CAST: variants seen among roughly 807,000 people sequenced by gnomAD.
CAST encodes calpastatin.
In CAST, 76 loss-of-function variants were observed where a neutral mutation model predicts 119.6. The observed-to-expected ratio is 0.64, with a 90% CI of 0.53 to 0.77. The LOEUF (loss-of-function observed/expected upper bound fraction) is 0.77, where lower values mean the gene tolerates loss of function less well. Among genes scored for constraint, CAST ranks in the 30% least tolerant of loss-of-function variants. The probability of loss-of-function intolerance (pLI) is 0.00; values close to 1 mark genes in which losing one functional copy is unlikely to be tolerated. For missense variants in CAST, 953 were observed against 946.5 expected (o/e 1.01, Z -0.09); for synonymous variants, 319 against 331.6 (o/e 0.96, Z 0.41).
chr5:96,348,394 GAGAGAGAGAGGGAGAGAT>G, the CAST span, among the ~76,000 whole-genome samples: 4 of 151,918 alleles, frequency 2.6e-5, no homozygotes, highest in Admixed American at 1.3e-4. Flanking sequence ...GAGGGAGAGA[GAGAGAGAGAGGGAGAGAT>G]AGAGAGATTT....
chr5:96,378,294 T>C, the CAST span, among the ~76,000 whole-genome samples: 25 of 152,254 alleles, frequency 1.6e-4, no homozygotes, highest in Admixed American at 1.2e-3. Flanking sequence ...TTGTATACTT[T>C]ACATTTTTTA....
the CAST span, among the ~76,000 whole-genome samples, chr5:96,509,680 A>C: frequency 6.6e-6 from 1 of 152,238 alleles, no homozygotes; most frequent in Non-Finnish European, 1.5e-5. Context: ...TCATTCCCAG[A>C]GGCACTTTTG....
chr5:96,014,725 C>T, the CAST span, among the ~76,000 whole-genome samples: 1 of 152,138 alleles, frequency 6.6e-6, no homozygotes, highest in East Asian at 1.9e-4. Flanking sequence ...GTAGGATAAA[C>T]TCCAGTGGGG....
At chr5:96,412,478 A>T in the CAST span, 1 of 1,614,046 alleles carries the variant, frequency 6.2e-7, no homozygotes. Context: ...AATGCCATCC[A>T]GCATTCTTAT....
the CAST span, chr5:96,400,032 C>T: frequency 6.8e-6 from 11 of 1,614,182 alleles, no homozygotes; most frequent in South Asian, 1.1e-5. Flanking sequence ...TCAGCTAAAT[C>T]CACCAGAGCT....
chr5:96,661,392 T>C (rs1461214432), upstream of CAST, among the ~76,000 whole-genome samples: 1 of 116,156 alleles, frequency 8.6e-6, no homozygotes, highest in East Asian at 3.0e-4. Flanking sequence ...GCCACTGCAC[T>C]CCAGACAGAG....
At chr5:96,084,080 C>CATT in the CAST span, among the ~76,000 whole-genome samples, 1 of 152,132 alleles carries the variant, frequency 6.6e-6, no homozygotes, top group Non-Finnish European at 1.5e-5. Context: ...TTAAATAAAA[C>CATT]ATTATAATTA....
the CAST span, among the ~76,000 whole-genome samples, chr5:96,107,742 C>T: frequency 3.4e-4 from 51 of 152,236 alleles, 1 homozygote; most frequent in South Asian, 6.2e-4. Flanking sequence ...GTGGCGTTCT[C>T]TGTATTTCCT....
At chr5:95,979,937 G>C in the CAST span, among the ~76,000 whole-genome samples, 6 of 152,198 alleles carry the variant, frequency 3.9e-5, no homozygotes, top group African/African-American at 1.4e-4. Flanking sequence ...GACCAACATG[G>C]TAAAGTCCTG....
At chr5:96,188,878 T>C in the CAST span, among the ~76,000 whole-genome samples, 2 of 152,346 alleles carry the variant, frequency 1.3e-5, no homozygotes, top group East Asian at 1.9e-4. Context: ...AAATTGTCTT[T>C]TATTACACTT....
the CAST span, among the ~76,000 whole-genome samples, chr5:96,158,824 A>G: frequency 6.6e-6 from 1 of 152,224 alleles, no homozygotes; most frequent in Non-Finnish European, 1.5e-5. Flanking sequence ...CACTATCTTA[A>G]GTGGGTAATG....
intron 19 of CAST, among the ~76,000 whole-genome samples, chr5:96,749,816 G>A (rs1248409535): frequency 1.3e-5 from 2 of 152,200 alleles, no homozygotes; most frequent in African/African-American, 4.8e-5. Flanking sequence ...AAAGTGCTGG[G>A]ATCACAGGCA....
At chr5:96,075,778 G>A in the CAST span, among the ~76,000 whole-genome samples, 2 of 152,166 alleles carry the variant, frequency 1.3e-5, no homozygotes, top group Admixed American at 1.3e-4. Context: ...CTGGGCATGT[G>A]CCTGCATGTT....
chr5:96,632,143 T>G (rs1332540727), intron 1 of CAST, among the ~76,000 whole-genome samples: 1 of 151,784 alleles, frequency 6.6e-6, no homozygotes, highest in Non-Finnish European at 1.5e-5. Flanking sequence ...ATAGTATATA[T>G]TCTTTGGAGA....
the CAST span, among the ~76,000 whole-genome samples, chr5:96,096,675 T>C: frequency 6.6e-6 from 1 of 152,214 alleles, no homozygotes; most frequent in Admixed American, 6.5e-5. Flanking sequence ...CAAATCCTCT[T>C]GTTTGAAGGC....
the CAST span, among the ~76,000 whole-genome samples, chr5:96,151,749 C>T: frequency 6.6e-6 from 1 of 152,162 alleles, no homozygotes; most frequent in East Asian, 1.9e-4. Flanking sequence ...TATTTTCATT[C>T]TTTGTGCAGG....
At chr5:96,104,388 A>G in the CAST span, among the ~76,000 whole-genome samples, 4 of 152,170 alleles carry the variant, frequency 2.6e-5, no homozygotes, top group Non-Finnish European at 4.4e-5. Flanking sequence ...TAAGTATTTA[A>G]TCCATCTTGA....
At chr5:96,344,247 G>A in the CAST span, among the ~76,000 whole-genome samples, 1 of 152,142 alleles carries the variant, frequency 6.6e-6, no homozygotes, top group Non-Finnish European at 1.5e-5. Flanking sequence ...GGAGGGAAGT[G>A]GGCATTGGGA....
chr5:96,666,336 G>A (rs1358075902), intron 1 of CAST, among the ~76,000 whole-genome samples: 4 of 152,038 alleles, frequency 2.6e-5, no homozygotes, highest in Admixed American at 6.6e-5. Flanking sequence ...TAATGATCAA[G>A]CATGAACGAA....
Sources: gnomAD v4.1 joint callset for allele counts (sites outside exome capture counted in the v4.1 genomes callset) on GRCh38, gnomAD v4.1.1 for gene constraint, MANE v1.5 for transcripts, NCBI Gene and HGNC (gene_info 2026-07-23, HGNC 2026-07-21) for gene names.